ESRRG: variants seen among roughly 807,000 people sequenced by gnomAD.
The protein encoded by ESRRG is estrogen-related receptor gamma.
Under a neutral mutation model 44.0 loss-of-function variants are expected in ESRRG, and 13 were observed. The observed-to-expected ratio is 0.30, with a 90% CI of 0.19 to 0.47. ESRRG has a LOEUF of 0.47. Ranked by LOEUF, ESRRG falls within the 20% of genes least tolerant of loss-of-function variation. The pLI is 1.00. For synonymous variants in ESRRG, 215 were observed against 214.6 expected (o/e 1.00, Z -0.02); for missense variants, 395 against 580.6 (o/e 0.68, Z 3.29).
chr1:216,620,404 T>G (rs974354494), intron 3 of ESRRG, among the ~76,000 whole-genome samples: 12 of 152,348 alleles, frequency 7.9e-5, no homozygotes, highest in African/African-American at 2.6e-4. Context: ...GTTTAACTGT[T>G]ACACTGCCCT....
At chr1:216,582,988 G>T (rs1338776973) in intron 3 of ESRRG, among the ~76,000 whole-genome samples, 2 of 151,946 alleles carry the variant, frequency 1.3e-5, no homozygotes, top group South Asian at 2.1e-4. Flanking sequence ...GGCCAGGAAA[G>T]ACTTCATGAG....
At chr1:216,608,248 C>T (rs1336740863) in intron 3 of ESRRG, among the ~76,000 whole-genome samples, 1 of 152,136 alleles carries the variant, frequency 6.6e-6, no homozygotes, top group Non-Finnish European at 1.5e-5. Context: ...TAAATATTAT[C>T]CTCCTTTATT....
intron 1 of ESRRG, among the ~76,000 whole-genome samples, chr1:217,028,418 C>A (rs1418240752): frequency 6.6e-6 from 1 of 152,142 alleles, no homozygotes; most frequent in Non-Finnish European, 1.5e-5. Context: ...TACAGAAGTC[C>A]AATACTGCTT....
At chr1:216,960,803 C>A (rs2068888250) in intron 1 of ESRRG, among the ~76,000 whole-genome samples, 1 of 152,040 alleles carries the variant, frequency 6.6e-6, no homozygotes, top group Admixed American at 6.6e-5. Flanking sequence ...GTTACCCAGG[C>A]AGGTCTTGAA....
At chr1:216,518,256 C>T (rs2045002351) in intron 6 of ESRRG, among the ~76,000 whole-genome samples, 1 of 152,076 alleles carries the variant, frequency 6.6e-6, no homozygotes, top group Non-Finnish European at 1.5e-5. Flanking sequence ...AATAGCCGTC[C>T]GCCCATTCAA....
chr1:216,989,427 C>CA (rs67759463), intron 1 of ESRRG, among the ~76,000 whole-genome samples: 945 of 78,636 alleles, frequency 0.012, 8 homozygotes, highest in East Asian at 0.032. Flanking sequence ...GACTCTGTCT[C>CA]AAAAAAAAAA....
At chr1:216,953,782 G>A (rs1052658127) in intron 1 of ESRRG, among the ~76,000 whole-genome samples, 1 of 151,982 alleles carries the variant, frequency 6.6e-6, no homozygotes, top group Middle Eastern at 3.2e-3. Flanking sequence ...AAATTATTTG[G>A]AAATTATATA....
rs565935809 is a variant in ESRRG, at chr1:216,946,920, G to A, written c.-105-7247C>T. ...TCACCATGTTGGCCAGGCTGGTCTC[G>A]AACTCCTGACCTCAAGTGATCTGCC... On this transcript the variant is annotated intron_variant, in intron 1 of 7. Transcript: ENST00000359162. Among the ~76,000 whole-genome samples the A allele has an allele frequency of 3.9e-5, 6 of 151,922 alleles. No individual in the cohort carries two copies. In the East Asian group the frequency reaches 5.8e-4, roughly 15 times the overall value.
rs189893217 is a variant in ESRRG, at chr1:216,850,205, C to T, written c.-14+89377G>A. On this transcript the variant is annotated intron_variant, in intron 2 of 7. Coordinates refer to the ESRRG transcript ENST00000359162. Reference sequence around the variant, plus strand: ...CAAATAAATATTTTCTTTAAAATCACTCCTTTTGAATTATTTCTTCAAAAG... The same window carrying T: ...CAAATAAATATTTTCTTTAAAATCATTCCTTTTGAATTATTTCTTCAAAAG... 5.3e-4 allele frequency among the ~76,000 whole-genome samples: 80 copies of T among 152,148 alleles called. 1 individual carries two copies. Among genetic ancestry groups the T allele is most frequent in the African/African-American group, 1.9e-3 (78 of 41,540 alleles).
At chr1:216,705,943 C>T (rs913658850) in intron 1 of ESRRG, among the ~76,000 whole-genome samples, 12 of 152,236 alleles carry the variant, frequency 7.9e-5, no homozygotes, top group African/African-American at 2.2e-4. Context: ...TATCATCATC[C>T]TAACACTGAG....
chr1:216,912,206 G>A (rs1336482948), intron 2 of ESRRG, among the ~76,000 whole-genome samples: 16 of 7,096 alleles, frequency 2.3e-3, no homozygotes, highest in Admixed American at 9.4e-3. Flanking sequence ...GAGAGGAGAG[G>A]AGAGGAGAGG....
At chr1:216,964,907 C>T (rs2069940324) in intron 1 of ESRRG, among the ~76,000 whole-genome samples, 1 of 152,122 alleles carries the variant, frequency 6.6e-6, no homozygotes, top group African/African-American at 2.4e-5. Context: ...CTTCCCTAAA[C>T]CTCAAATACA....
At chr1:216,508,083 G>A (rs1357210693) in intron 6 of ESRRG, among the ~76,000 whole-genome samples, 1 of 152,084 alleles carries the variant, frequency 6.6e-6, no homozygotes, top group Non-Finnish European at 1.5e-5. Flanking sequence ...AGTCTTTGGG[G>A]GATTCTTCAT....
At chr1:216,659,257 GA>G (rs1416084502) in intron 2 of ESRRG, among the ~76,000 whole-genome samples, 1 of 152,156 alleles carries the variant, frequency 6.6e-6, no homozygotes, top group Non-Finnish European at 1.5e-5. Flanking sequence ...TTTATACAAG[GA>G]TGTGAAAATG....
At chr1:216,537,148 A>G (rs1205217412) in intron 5 of ESRRG, among the ~76,000 whole-genome samples, 2 of 152,050 alleles carry the variant, frequency 1.3e-5, no homozygotes, top group Non-Finnish European at 2.9e-5. Context: ...GAGGGTGTCT[A>G]GGAGGCGATT....
chr1:216,922,216 C>G (rs1324492662), intron 2 of ESRRG, among the ~76,000 whole-genome samples: 2 of 152,164 alleles, frequency 1.3e-5, no homozygotes, highest in African/African-American at 4.8e-5. Flanking sequence ...TTTGCCATCA[C>G]AGATGAAGCG....
intron 3 of ESRRG, among the ~76,000 whole-genome samples, chr1:216,605,220 C>A (rs2059767831): frequency 6.6e-6 from 1 of 152,038 alleles, no homozygotes; most frequent in Non-Finnish European, 1.5e-5. Flanking sequence ...GGCGTGTGAA[C>A]CAATTTACTA....
chr1:216,852,452 C>A (rs867998183), intron 2 of ESRRG, among the ~76,000 whole-genome samples: 21 of 152,252 alleles, frequency 1.4e-4, no homozygotes, highest in African/African-American at 5.1e-4. Context: ...CAAAAAGTAG[C>A]TCACTTATCT....
intron 2 of ESRRG, among the ~76,000 whole-genome samples, chr1:216,922,062 C>A (rs1475805638): frequency 6.6e-6 from 1 of 152,170 alleles, no homozygotes; most frequent in East Asian, 1.9e-4. Context: ...CAGGAACTAA[C>A]TGGAAGGCCA....
Sources: allele counts gnomAD v4.1 joint callset (sites outside exome capture counted in the v4.1 genomes callset), GRCh38; gene constraint gnomAD v4.1.1; transcripts MANE v1.5; gene names NCBI Gene and HGNC (gene_info 2026-07-23, HGNC 2026-07-21).